The following RBM27 variants were observed in gnomAD, a reference collection of about 807,000 sequenced individuals.
The protein encoded by RBM27 is RNA-binding protein 27.
A neutral mutation model predicts 135.3 loss-of-function variants in RBM27; 22 were observed. The observed-to-expected ratio is 0.16, with a 90% CI of 0.12 to 0.23. RBM27 has a LOEUF of 0.23. Ranked by LOEUF, RBM27 falls within the 10% of genes least tolerant of loss-of-function variation. The pLI, the probability that RBM27 is intolerant of heterozygous loss-of-function variation, is 1.00. For missense variants in RBM27, 1,009 were observed against 1,281.0 expected, an observed-to-expected ratio of 0.79 and a Z score of 3.24; for synonymous variants, 481 against 442.4, an observed-to-expected ratio of 1.09 and a Z score of -1.10.
chr5:146,246,967 A>G lies in RBM27; in HGVS notation c.1280-4744A>G, dbSNP rs141525883. Among the ~76,000 whole-genome samples the G allele has an allele frequency of 5.8e-4, 88 of 151,282 alleles. No homozygotes were observed. The East Asian group carries it at 0.016, about 27-fold the overall frequency. ...CAGTCTTGACCTCCTGGGCTCAAGCAGGCCTCCTGTCTCAGCCTCATGAGT... is the reference window on the plus strand; with the variant it reads ...CAGTCTTGACCTCCTGGGCTCAAGCGGGCCTCCTGTCTCAGCCTCATGAGT... On this transcript the variant is annotated intron_variant, in intron 8 of 20. Coordinates refer to ENST00000265271, the MANE Select transcript of RBM27 (RefSeq NM_018989.2).
intron 1 of RBM27, among the ~76,000 whole-genome samples, chr5:146,205,067 T>G (rs980818487): frequency 6.6e-6 from 1 of 152,138 alleles, no homozygotes; most frequent in Non-Finnish European, 1.5e-5. Context: ...CCAGCTAATT[T>G]TTGTATTTTT....
chr5:146,220,116 C>T (rs1756381479), intron 2 of RBM27, among the ~76,000 whole-genome samples: 1 of 152,068 alleles, frequency 6.6e-6, no homozygotes, highest in South Asian at 2.1e-4. Flanking sequence ...CCTTTGTTTG[C>T]CTTTTGTTTG....
At chr5:146,270,409 T>G (rs1475394093) in intron 17 of RBM27, among the ~76,000 whole-genome samples, 2 of 152,188 alleles carry the variant, frequency 1.3e-5, no homozygotes, top group Non-Finnish European at 2.9e-5. Flanking sequence ...TTCTTAAAGA[T>G]ATAATAAAAA....
intron 3 of RBM27, among the ~76,000 whole-genome samples, chr5:146,224,892 A>G (rs928811522): frequency 1.3e-5 from 2 of 151,958 alleles, no homozygotes; most frequent in African/African-American, 2.4e-5. Context: ...TTAAATATCC[A>G]TATGATTTTT....
intron 19 of RBM27, among the ~76,000 whole-genome samples, chr5:146,273,135 AT>A (rs1561565827): frequency 6.6e-6 from 1 of 152,202 alleles, no homozygotes; most frequent in Non-Finnish European, 1.5e-5. Flanking sequence ...GTGAGGTGAT[AT>A]TGGATTATGT....
intron 12 of RBM27, chr5:146,261,285 CT>C (rs1758384919): frequency 5.1e-6 from 3 of 591,566 alleles, no homozygotes; most frequent in East Asian, 2.8e-5. Flanking sequence ...GGGCAGATCT[CT>C]TTCTCTTCTT....
chr5:146,239,025 G>A (rs1338645004), intron 8 of RBM27, among the ~76,000 whole-genome samples: 2 of 151,978 alleles, frequency 1.3e-5, no homozygotes, highest in East Asian at 1.9e-4. Flanking sequence ...AGTTATTATT[G>A]TCTCCTGAAA....
chr5:146,214,775 A>C (rs1393117497), intron 1 of RBM27, among the ~76,000 whole-genome samples: 1 of 152,160 alleles, frequency 6.6e-6, no homozygotes, highest in East Asian at 1.9e-4. Flanking sequence ...TTAAATGTAA[A>C]TGGTCCTATT....
In RBM27 at chr5:146,269,539, A is replaced by T. The variant is rs370016737; in HGVS notation, c.2646A>T (p.Thr882=). 3.2e-6 allele frequency: 5 copies of T among 1,580,214 alleles called. No individual in the cohort carries two copies. The South Asian group carries it at 5.9e-5, about 19-fold the overall frequency. The change falls in exon 17 of 21, where the codon ACA becomes ACT. Residue 882 remains threonine, a synonymous_variant. Transcript: ENST00000265271. ...KISQLKDELK[T]SSAVSTPSKV... ...CACAATTAAAAGATGAATTAAAAAC[A>T]TCTTCTGCAGTCTCCACACCATCTA...
At chr5:146,246,674 G>A (rs1371467852) in intron 8 of RBM27, among the ~76,000 whole-genome samples, 1 of 152,120 alleles carries the variant, frequency 6.6e-6, no homozygotes, top group East Asian at 1.9e-4. Flanking sequence ...GGATAACATA[G>A]TAAGACCTCA....
At chr5:146,279,054 T>G (rs1466729974) in intron 19 of RBM27, among the ~76,000 whole-genome samples, 1 of 152,082 alleles carries the variant, frequency 6.6e-6, no homozygotes, top group Non-Finnish European at 1.5e-5. Context: ...TTAAACCATA[T>G]TTAGATGTGT....
intron 19 of RBM27, among the ~76,000 whole-genome samples, chr5:146,280,692 A>G (rs988531340): frequency 2.0e-5 from 3 of 152,102 alleles, no homozygotes; most frequent in African/African-American, 7.2e-5. Flanking sequence ...TAACCCCAAA[A>G]TCAATACTTA....
chr5:146,278,620 G>A (rs957072266), intron 19 of RBM27, among the ~76,000 whole-genome samples: 2 of 152,040 alleles, frequency 1.3e-5, no homozygotes, highest in African/African-American at 4.8e-5. Flanking sequence ...ACTAGTGCAT[G>A]TGGTGTTGCT....
rs545963169 is a variant in RBM27, at chr5:146,217,464, G to GTTTTTTT, written c.60-1500_60-1494dup. Among the ~76,000 whole-genome samples, 54 of 70,768 alleles carry GTTTTTTT rather than the reference G, an allele frequency of 7.6e-4. 10 individuals are homozygous for GTTTTTTT. Among genetic ancestry groups the GTTTTTTT allele is most frequent in the African/African-American group, 3.3e-3 (54 of 16,492 alleles). 46.4% of individuals were successfully genotyped at this position (70,768 alleles called of 152,430 possible). A position where few individuals can be genotyped will look rare whatever the true frequency, so the allele number is the denominator to read the frequency against. The stretch of plus-strand genomic sequence containing the variant: ...GATTGATACTCTTGAGCTGAAGCCT[G>GTTTTTTT]TTTTTTTTTTTTTTTTTTTTTTTTT... On this transcript the variant is annotated intron_variant, in intron 1 of 20. Transcript: ENST00000265271.
intron 19 of RBM27, among the ~76,000 whole-genome samples, chr5:146,276,722 A>G (rs148430313): frequency 2.3e-4 from 35 of 152,326 alleles, no homozygotes; most frequent in African/African-American, 8.4e-4. Flanking sequence ...AGTTTTTTAG[A>G]TAGTGCTTCA....
chr5:146,208,679 T>C (rs1755812065), intron 1 of RBM27, among the ~76,000 whole-genome samples: 1 of 152,158 alleles, frequency 6.6e-6, no homozygotes, highest in African/African-American at 2.4e-5. Flanking sequence ...AAATAACTGC[T>C]CATTGTAAGA....
rs1341563607 is a variant in RBM27, at chr5:146,230,724, T to C, written c.657T>C (p.Ser219=). The C allele has an allele frequency of 6.2e-7, 1 of 1,613,906 alleles. No homozygotes were observed. The highest frequency in any genetic ancestry group is 8.5e-7 in the Non-Finnish European group (1 of 1,179,752). Residue 219 remains serine (S), a synonymous_variant, in exon 6 of 21, where the codon TCT becomes TCC. Coordinates refer to ENST00000265271, the MANE Select transcript of RBM27 (RefSeq NM_018989.2). Reference sequence around the variant, plus strand: ...TGGAGAGTTCCTATGTGCCTGTGTCTGCACCACCTCCAAACTCTTCTGAGC... The same window carrying C: ...TGGAGAGTTCCTATGTGCCTGTGTCCGCACCACCTCCAAACTCTTCTGAGC... ...NDLESSYVPV[S]APPPNSSEQY... is the part of the protein sequence containing the mutation.
chr5:146,243,416 T>G (rs917493724), intron 8 of RBM27, among the ~76,000 whole-genome samples: 1 of 152,210 alleles, frequency 6.6e-6, no homozygotes, highest in Admixed American at 6.5e-5. Flanking sequence ...AATTAGAAAC[T>G]TTTTGAGTGC....
At position 146,210,106 on chromosome 5, in the gene RBM27, C is replaced by T. The variant is rs373717054; in HGVS notation, c.59+6282C>T. ...CTGTAATTATTTGTTTTCGTATCCA[C>T]CTCTTGGCCATGGGCGTGCAGGGCA... On this transcript the variant is annotated intron_variant, in intron 1 of 20. Coordinates refer to ENST00000265271, the MANE Select transcript of RBM27 (RefSeq NM_018989.2). Among the ~76,000 whole-genome samples the T allele has an allele frequency of 7.2e-5, 11 of 152,126 alleles. 1 individual carries two copies. The East Asian group carries it at 1.9e-3, about 27-fold the overall frequency.
Sources: allele counts gnomAD v4.1 joint callset (sites outside exome capture counted in the v4.1 genomes callset), GRCh38; gene constraint gnomAD v4.1.1; transcripts MANE v1.5; gene names NCBI Gene and HGNC (gene_info 2026-07-23, HGNC 2026-07-21).